Variants in GTF2IRD1 observed in about 807,000 individuals in gnomAD.
The protein encoded by GTF2IRD1 is general transcription factor II-I repeat domain-containing protein 1.
Under a neutral mutation model 113.2 loss-of-function variants are expected in GTF2IRD1, and 26 were observed. The observed-to-expected ratio is 0.23, with a 90% CI of 0.17 to 0.32. The LOEUF is 0.32. Among genes scored for constraint, GTF2IRD1 ranks in the 10% least tolerant of loss-of-function variants. The probability of loss-of-function intolerance (pLI) is 1.00; values close to 1 mark genes in which losing one functional copy is unlikely to be tolerated. For synonymous variants in GTF2IRD1, 484 were observed against 529.1 expected (o/e 0.91, Z 1.17); for missense variants, 864 against 1,280.8 (o/e 0.67, Z 4.97).
At chr7:74,599,560 T>C (rs1416952677) in intron 25 of GTF2IRD1, among the ~76,000 whole-genome samples, 3 of 152,300 alleles carry the variant, frequency 2.0e-5, no homozygotes, top group East Asian at 3.9e-4. Context: ...ACAGTGAAAT[T>C]TGAACTTAGG....
At chr7:74,505,736 G>A (rs1796265618) in intron 1 of GTF2IRD1, among the ~76,000 whole-genome samples, 2 of 152,156 alleles carry the variant, frequency 1.3e-5, no homozygotes, top group Admixed American at 1.3e-4. Context: ...GGGGGAGGGG[G>A]ACACCTTCCA....
intron 14 of GTF2IRD1, among the ~76,000 whole-genome samples, chr7:74,542,247 A>AT (rs1554351986): frequency 6.6e-6 from 1 of 152,104 alleles, no homozygotes; most frequent in Non-Finnish European, 1.5e-5. Context: ...GACCAAAAAA[A>AT]AATTAGCTGG....
intron 1 of GTF2IRD1, among the ~76,000 whole-genome samples, chr7:74,459,143 G>C (rs1240565485): frequency 6.6e-6 from 1 of 152,144 alleles, no homozygotes; most frequent in African/African-American, 2.4e-5. Context: ...TCATGCCCTG[G>C]AAATTTGCCC....
intron 1 of GTF2IRD1, among the ~76,000 whole-genome samples, chr7:74,476,505 A>C (rs1794420556): frequency 6.6e-6 from 1 of 151,940 alleles, no homozygotes; most frequent in Non-Finnish European, 1.5e-5. Context: ...GCTGGGATAC[A>C]GGTGCACGCC....
chr7:74,458,519 T>G (rs1172831956), intron 1 of GTF2IRD1, among the ~76,000 whole-genome samples: 1 of 152,094 alleles, frequency 6.6e-6, no homozygotes, highest in Non-Finnish European at 1.5e-5. Context: ...CCCTGTCACT[T>G]TCTTGGCCTA....
At chr7:74,517,491 G>A (rs587647050) in intron 4 of GTF2IRD1, among the ~76,000 whole-genome samples, 5 of 134,110 alleles carry the variant, frequency 3.7e-5, no homozygotes, top group South Asian at 2.4e-4. Flanking sequence ...GGAGTGCAGC[G>A]GCTCACTGCA....
Position 74,538,126 on chromosome 7 carries a change from C to T in GTF2IRD1, c.1410-10C>T, listed in dbSNP as rs781799241. On this transcript the variant is annotated splice_polypyrimidine_tract_variant and intron_variant, in intron 11 of 26. Coordinates refer to ENST00000424337, the MANE Select transcript of GTF2IRD1 (RefSeq NM_005685.4). ...GGCTGACAGGTGTCATTTCCTGCTTCCCTTCACAGGTCAGACAAGGGCAGC... is the reference window on the plus strand; with the variant it reads ...GGCTGACAGGTGTCATTTCCTGCTTTCCTTCACAGGTCAGACAAGGGCAGC... 1.2e-6 allele frequency: 2 copies of T among 1,611,950 alleles called. No homozygotes were observed. The highest frequency in any genetic ancestry group is 2.2e-5 in the South Asian group (2 of 91,002).
intron 3 of GTF2IRD1, among the ~76,000 whole-genome samples, chr7:74,514,737 G>A (rs1380758340): frequency 6.6e-6 from 1 of 151,878 alleles, no homozygotes; most frequent in Admixed American, 6.6e-5. Flanking sequence ...CTCCGGCAGA[G>A]CAGAAAACGG....
In GTF2IRD1 at chr7:74,524,177, C is replaced by G; in HGVS notation, c.1090+23C>G. ...ATGGTGAGTGGGCGGCGCGGCCCGC[C>G]GTGTGGCCCCAGCAGCCGTGTTGAG... On this transcript the variant is annotated intron_variant, in intron 8 of 26. Coordinates refer to ENST00000424337, the MANE Select transcript of GTF2IRD1 (RefSeq NM_005685.4). 2.0e-6 allele frequency: 3 copies of G among 1,478,746 alleles called. No homozygotes were observed. The Admixed American group carries it at 5.3e-5, about 26-fold the overall frequency. 91.6% of individuals were successfully genotyped at this position (1,478,746 alleles called of 1,614,324 possible). A position where few individuals can be genotyped will look rare whatever the true frequency, so the allele number is the denominator to read the frequency against.
At chr7:74,556,620 C>CTTTT (rs782679644) in intron 19 of GTF2IRD1, among the ~76,000 whole-genome samples, 6 of 107,166 alleles carry the variant, frequency 5.6e-5, no homozygotes, top group Non-Finnish European at 1.1e-4. Context: ...CTGCACCCAG[C>CTTTT]TTTTTTTTTT....
At chr7:74,505,194 A>T (rs903600126) in intron 1 of GTF2IRD1, among the ~76,000 whole-genome samples, 1 of 151,884 alleles carries the variant, frequency 6.6e-6, no homozygotes, top group Non-Finnish European at 1.5e-5. Context: ...CTCTGCCTTC[A>T]TTTTCTGTTT....
intron 3 of GTF2IRD1, among the ~76,000 whole-genome samples, chr7:74,514,728 T>C (rs1301235468): frequency 6.6e-6 from 1 of 151,386 alleles, no homozygotes; most frequent in Non-Finnish European, 1.5e-5. Context: ...TTTCTCTCCC[T>C]CCGGCAGAGC....
In GTF2IRD1 at chr7:74,512,756, AC is replaced by A; in HGVS notation, c.124-69del. On this transcript the variant is annotated intron_variant, in intron 2 of 26. Coordinates refer to ENST00000424337, the MANE Select transcript of GTF2IRD1 (RefSeq NM_005685.4). This position sits in a 1 kb window ranked among gnomAD's most constrained non-coding sequence, Gnocchi z 4.4. ...TCAGGCAGCTGGGAGCTCACATCCC[AC>A]CCCCGAAGTGGATACTAGAGGTGTT... 1 of 1,447,558 alleles carries A rather than the reference AC, an allele frequency of 6.9e-7. No individual in the cohort carries two copies. Among genetic ancestry groups the A allele is most frequent in the Non-Finnish European group, 9.5e-7 (1 of 1,055,078 alleles). The allele number at this position is 1,447,558 out of a possible 1,614,324, so 89.7% of individuals were successfully genotyped here.
At chr7:74,553,275 G>C (rs1250997684) in intron 17 of GTF2IRD1, among the ~76,000 whole-genome samples, 14 of 151,434 alleles carry the variant, frequency 9.2e-5, no homozygotes, top group African/African-American at 3.4e-4. Context: ...GATTACAGGC[G>C]TGAGCCACCA....
chr7:74,582,893 G>C (rs1801498602), intron 22 of GTF2IRD1, among the ~76,000 whole-genome samples: 1 of 151,922 alleles, frequency 6.6e-6, no homozygotes, highest in South Asian at 2.1e-4. Context: ...TACAAAAGAT[G>C]GAAAAATTAG....
At chr7:74,532,856 TG>T (rs1190909098) in intron 9 of GTF2IRD1, among the ~76,000 whole-genome samples, 3 of 152,188 alleles carry the variant, frequency 2.0e-5, no homozygotes, top group African/African-American at 7.2e-5. Flanking sequence ...GTATGCAGGC[TG>T]GGACATCCCT....
intron 11 of GTF2IRD1, among the ~76,000 whole-genome samples, chr7:74,537,193 T>C (rs1798347858): frequency 6.6e-6 from 1 of 152,152 alleles, no homozygotes; most frequent in Non-Finnish European, 1.5e-5. Context: ...GCAGATCACC[T>C]GAGGTCAGGA....
intron 1 of GTF2IRD1, among the ~76,000 whole-genome samples, chr7:74,466,927 G>A (rs549379903): frequency 6.6e-6 from 1 of 151,890 alleles, no homozygotes; most frequent in South Asian, 2.1e-4. Context: ...ATGAAGGGTG[G>A]GGGCCTCCTC....
chr7:74,589,951 A>G (rs782520789), intron 23 of GTF2IRD1, 23 bp downstream of exon 23: 10 of 1,503,788 alleles, frequency 6.6e-6, no homozygotes, highest in African/African-American at 4.1e-5. Context: ...GGTCAGGGTC[A>G]GCACACCAAG....
Sources: allele counts gnomAD v4.1 joint callset (sites outside exome capture counted in the v4.1 genomes callset), GRCh38; gene constraint gnomAD v4.1.1; non-coding constraint Gnocchi (gnomAD v3.1); transcripts MANE v1.5; gene names NCBI Gene and HGNC (gene_info 2026-07-23, HGNC 2026-07-21).